TDRP: variants seen among roughly 807,000 people sequenced by gnomAD.
The protein encoded by TDRP is testis development related protein, also known as testis development-related protein.
TDRP carries 12 observed loss-of-function variants against 10.5 expected under a neutral mutation model. That is an observed-to-expected ratio of 1.15 (90% confidence interval 0.73 to 1.86). The LOEUF (loss-of-function observed/expected upper bound fraction) is 1.86. Ranked by LOEUF, TDRP falls within the 40% of genes most tolerant of loss-of-function variation. TDRP has a pLI of 0.00. For missense variants in TDRP, 353 were observed against 229.2 expected, an observed-to-expected ratio of 1.54 and a Z score of -3.49; for synonymous variants, 139 against 95.4, an observed-to-expected ratio of 1.46 and a Z score of -2.67.
chr8:503,918 C>G (rs1273415615), intron 1 of TDRP, among the ~76,000 whole-genome samples: 1 of 144,924 alleles, frequency 6.9e-6, no homozygotes, highest in Non-Finnish European at 1.5e-5. Flanking sequence ...TCAGCACGCA[C>G]CAACATGGAA....
chr8:500,307 T>C (rs1007247503), intron 1 of TDRP, among the ~76,000 whole-genome samples: 15 of 152,212 alleles, frequency 9.9e-5, no homozygotes, highest in African/African-American at 3.6e-4. Context: ...TAAACGGCAG[T>C]GTCTTATCAA....
upstream of TDRP, among the ~76,000 whole-genome samples, chr8:545,453 C>G (rs892364600): frequency 6.6e-6 from 1 of 151,258 alleles, no homozygotes; most frequent in African/African-American, 2.4e-5. Flanking sequence ...CCCCCTCCCC[C>G]CACCCTTTCC....
At position 529,156 on chromosome 8, in the gene TDRP, A is replaced by G. The variant is rs370608603; in HGVS notation, c.108+15494T>C. ...TCTGCCTTTCCCAGTCCAAGGATTC[A>G]AATGTTAACCTCCTTTGGCAACACC... On this transcript the variant is annotated intron_variant, in intron 1 of 2. Coordinates refer to ENST00000324079, the MANE Select transcript of TDRP (RefSeq NM_001384899.1). 3.9e-4 allele frequency among the ~76,000 whole-genome samples: 59 copies of G among 152,268 alleles called. 2 individuals are homozygous for G. The East Asian group carries it at 8.7e-3, about 22-fold the overall frequency.
chr8:522,757 T>C (rs1801939665), intron 1 of TDRP, among the ~76,000 whole-genome samples: 1 of 152,226 alleles, frequency 6.6e-6, no homozygotes, highest in Non-Finnish European at 1.5e-5. Flanking sequence ...GATTCCTCAA[T>C]TATCCCACAG....
At chr8:533,497 G>A (rs1457161915) in intron 1 of TDRP, among the ~76,000 whole-genome samples, 1 of 152,170 alleles carries the variant, frequency 6.6e-6, no homozygotes, top group African/African-American at 2.4e-5. Flanking sequence ...TACATGTCCT[G>A]ACAAATCTTC....
chr8:500,372 A>T (rs1268140516), intron 1 of TDRP, among the ~76,000 whole-genome samples: 1 of 152,188 alleles, frequency 6.6e-6, no homozygotes, highest in Non-Finnish European at 1.5e-5. Context: ...AGGGAGCAAT[A>T]AACCTCATCG....
chr8:493,587 A>T (rs1178367203), intron 2 of TDRP, among the ~76,000 whole-genome samples: 2 of 152,252 alleles, frequency 1.3e-5, no homozygotes, highest in Admixed American at 6.5e-5. Context: ...CATAACACGG[A>T]GCAAATATGC....
At chr8:500,337 G>C (rs1474799379) in intron 1 of TDRP, among the ~76,000 whole-genome samples, 1 of 152,176 alleles carries the variant, frequency 6.6e-6, no homozygotes, top group African/African-American at 2.4e-5. Flanking sequence ...GAGAGGCCAG[G>C]ACCTCTGGCT....
At chr8:532,163 A>G (rs113260898) in intron 1 of TDRP, among the ~76,000 whole-genome samples, 8 of 152,138 alleles carry the variant, frequency 5.3e-5, no homozygotes, top group African/African-American at 1.9e-4. Flanking sequence ...CACCACATCC[A>G]CTAACCTCTG....
intron 1 of TDRP, among the ~76,000 whole-genome samples, chr8:505,824 C>T (rs1242212476): frequency 6.6e-6 from 1 of 152,196 alleles, no homozygotes; most frequent in Non-Finnish European, 1.5e-5. Context: ...CCAGAGGCAG[C>T]CACACAAACC....
intron 1 of TDRP, among the ~76,000 whole-genome samples, chr8:510,337 T>G (rs149102213): frequency 6.6e-6 from 1 of 152,150 alleles, no homozygotes; most frequent in East Asian, 1.9e-4. Context: ...CCACTTCAAG[T>G]CACTTCATTA....
At chr8:499,102 A>AT (rs1355305857) in intron 1 of TDRP, among the ~76,000 whole-genome samples, 10 of 152,230 alleles carry the variant, frequency 6.6e-5, no homozygotes, top group Non-Finnish European at 1.3e-4. Flanking sequence ...TTCTGGTATC[A>AT]TAAGGAAAAT....
intron 1 of TDRP, among the ~76,000 whole-genome samples, chr8:518,826 T>C (rs1801823275): frequency 6.6e-6 from 1 of 152,150 alleles, no homozygotes; most frequent in African/African-American, 2.4e-5. Flanking sequence ...TTGAAATTCA[T>C]ACAAATTTAT....
intron 1 of TDRP, among the ~76,000 whole-genome samples, chr8:543,937 A>AGGGGGGGGGGGGGGGGGGGGGGG (rs1186683495): frequency 5.4e-5 from 1 of 18,638 alleles, no homozygotes; most frequent in Admixed American, 4.9e-4. Context: ...AGGGGGGGGG[A>AGGGGGGGGGGGGGGGGGGGGGGG]GGGGGTGGGG....
At position 542,971 on chromosome 8, in the gene TDRP, T is replaced by C. The variant is rs1802538309; in HGVS notation, c.108+1679A>G. 2.0e-5 allele frequency among the ~76,000 whole-genome samples: 3 copies of C among 150,520 alleles called. No individual in the cohort carries two copies. In the South Asian group the frequency reaches 6.3e-4, roughly 32 times the overall value. ...TCTAGCTGGAGGATACGAGGAAGAA[T>C]CTCCTATTCTTCTACTTTTCCGCAT... is the stretch of plus-strand genomic sequence containing the variant. On this transcript the variant is annotated intron_variant, in intron 1 of 2. Coordinates refer to ENST00000324079, the MANE Select transcript of TDRP (RefSeq NM_001384899.1).
At chr8:514,462 C>T (rs1467083188) in intron 1 of TDRP, among the ~76,000 whole-genome samples, 3 of 152,200 alleles carry the variant, frequency 2.0e-5, no homozygotes, top group Non-Finnish European at 4.4e-5. Context: ...CTGCCACCCA[C>T]ACAACCACAA....
Position 507,478 on chromosome 8 carries a change from G to C in TDRP, c.109-12881C>G, listed in dbSNP as rs73672340. Among the ~76,000 whole-genome samples, 1,115 of 152,246 alleles carry C rather than the reference G, an allele frequency of 7.3e-3. 13 individuals are homozygous for C. The highest frequency in any genetic ancestry group is 0.025 in the African/African-American group (1,059 of 41,536). On this transcript the variant is annotated intron_variant, in intron 1 of 2. Coordinates refer to ENST00000324079, the MANE Select transcript of TDRP (RefSeq NM_001384899.1). ...CATTTGTAGAGCAATGTATGCCCCA[G>C]GACATTTTTTAAACCATACAGCAAT...
chr8:515,624 G>A (rs948397194), intron 1 of TDRP, among the ~76,000 whole-genome samples: 15 of 152,142 alleles, frequency 9.9e-5, no homozygotes, highest in Non-Finnish European at 2.2e-4. Flanking sequence ...TGACATTCTA[G>A]TTGGCACAAC....
chr8:525,776 C>G (rs1584876181), intron 1 of TDRP, among the ~76,000 whole-genome samples: 1 of 152,126 alleles, frequency 6.6e-6, no homozygotes, highest in African/African-American at 2.4e-5. Flanking sequence ...GACCGCAGAA[C>G]AACCAGAAAA....
Sources: allele counts gnomAD v4.1 joint callset (sites outside exome capture counted in the v4.1 genomes callset), GRCh38; gene constraint gnomAD v4.1.1; transcripts MANE v1.5; gene names NCBI Gene and HGNC (gene_info 2026-07-23, HGNC 2026-07-21).